Variants in NAV2 observed in about 807,000 individuals in gnomAD.
The protein encoded by NAV2 is helicase, APC down-regulated 1.
NAV2 carries 54 observed loss-of-function variants against 223.2 expected under a neutral mutation model. That is an observed-to-expected ratio of 0.24 (90% CI 0.19 to 0.30). The LOEUF is 0.30. NAV2 is among the 10% of genes least tolerant of loss of function. NAV2 has a pLI of 1.00. For missense variants in NAV2, 2,806 were observed against 3,147.5 expected (o/e 0.89, Z 2.60); for synonymous variants, 1,279 against 1,239.3 (o/e 1.03, Z -0.67).
Position 19,939,670 on chromosome 11 carries a change from G to A in NAV2, c.2043G>A (p.Thr681=), listed in dbSNP as rs61732468. Residue 681 remains threonine (T), a synonymous_variant, in exon 8 of 38, where the codon ACG becomes ACA. Transcript: ENST00000349880. Reference sequence around the variant, plus strand: ...CGGTTTGTGTGTGAAGGTCTCAGACGGACACTGAAGGGAATGTTACTGCCG... The same window carrying A: ...CGGTTTGTGTGTGAAGGTCTCAGACAGACACTGAAGGGAATGTTACTGCCG... ...TVAPFLYRSQ[T]DTEGNVTAES... is the part of the protein sequence containing the mutation. 12 of 1,613,826 alleles carry A rather than the reference G, an allele frequency of 7.4e-6. No individual in the cohort carries two copies. Among genetic ancestry groups the A allele is most frequent in the South Asian group, 1.1e-5 (1 of 91,056 alleles).
intron 1 of NAV2, among the ~76,000 whole-genome samples, chr11:19,804,443 C>T (rs1260231707): frequency 2.0e-5 from 3 of 152,112 alleles, no homozygotes; most frequent in African/African-American, 7.2e-5. Flanking sequence ...CAGGGTGGAT[C>T]TTATTTTAAT....
At chr11:19,672,476 T>C (rs2048598622) in intron 1 of NAV2, among the ~76,000 whole-genome samples, 1 of 152,162 alleles carries the variant, frequency 6.6e-6, no homozygotes, top group Non-Finnish European at 1.5e-5. Flanking sequence ...TTATTCTATT[T>C]CTCCAAGTGT....
chr11:19,808,662 A>T lies in NAV2; in HGVS notation c.268-23822A>T, dbSNP rs989819440. 3.9e-5 allele frequency among the ~76,000 whole-genome samples: 6 copies of T among 152,348 alleles called. No individual in the cohort carries two copies. The East Asian group carries it at 9.6e-4, about 24-fold the overall frequency. On this transcript the variant is annotated intron_variant, in intron 1 of 37. Coordinates refer to ENST00000349880, the MANE Select transcript of NAV2 (RefSeq NM_145117.5). The stretch of plus-strand genomic sequence containing the variant: ...AAAAACAATTGTCTTTTTATTGTCT[A>T]TTAATAGTTGGTACAATTATGTAGA...
At chr11:20,003,881 G>C (rs1448760953) in intron 11 of NAV2, among the ~76,000 whole-genome samples, 1 of 152,174 alleles carries the variant, frequency 6.6e-6, no homozygotes, top group African/African-American at 2.4e-5. Context: ...CAGCCATTCT[G>C]TTCATTGGAT....
intron 1 of NAV2, among the ~76,000 whole-genome samples, chr11:19,453,362 G>A (rs993502121): frequency 6.6e-6 from 1 of 152,206 alleles, no homozygotes; most frequent in African/African-American, 2.4e-5. Context: ...GAGGCACCAA[G>A]AAAGGATGCG....
chr11:19,791,341 C>G (rs2057503238), intron 1 of NAV2, among the ~76,000 whole-genome samples: 1 of 152,212 alleles, frequency 6.6e-6, no homozygotes, highest in Non-Finnish European at 1.5e-5. Context: ...CCTTCCCTAT[C>G]CAGCCCGCCC....
chr11:19,777,070 G>A (rs890753850), intron 1 of NAV2, among the ~76,000 whole-genome samples: 1 of 150,884 alleles, frequency 6.6e-6, no homozygotes, highest in Non-Finnish European at 1.5e-5. Context: ...CCAGCTAGGG[G>A]GCGGGGAACT....
intron 1 of NAV2, among the ~76,000 whole-genome samples, chr11:19,555,474 G>A (rs572830792): frequency 1.3e-5 from 2 of 152,184 alleles, no homozygotes; most frequent in Non-Finnish European, 2.9e-5. Context: ...GCTCACCACA[G>A]CATCCACTCC....
At chr11:19,526,485 A>G (rs2043846835) in intron 1 of NAV2, among the ~76,000 whole-genome samples, 1 of 152,030 alleles carries the variant, frequency 6.6e-6, no homozygotes, top group Non-Finnish European at 1.5e-5. Context: ...GGGAATGAAT[A>G]TGATTGGCCT....
intron 1 of NAV2, among the ~76,000 whole-genome samples, chr11:19,536,355 A>G (rs1487385516): frequency 6.6e-6 from 1 of 152,122 alleles, no homozygotes; most frequent in Non-Finnish European, 1.5e-5. Context: ...AAGTGTCCCC[A>G]CTTGAACACC....
chr11:19,587,072 C>T (rs912440948), intron 1 of NAV2, among the ~76,000 whole-genome samples: 2 of 152,214 alleles, frequency 1.3e-5, no homozygotes, highest in Admixed American at 1.3e-4. Context: ...CAAGCCTCAG[C>T]AATGGTGGAC....
chr11:19,624,280 A>G (rs2047097657), intron 1 of NAV2, among the ~76,000 whole-genome samples: 1 of 151,674 alleles, frequency 6.6e-6, no homozygotes, highest in African/African-American at 2.4e-5. Context: ...GAGTACCACT[A>G]CTCTCTTCAA....
chr11:20,056,766 A>G (rs1221780040), intron 19 of NAV2: 6 of 646,052 alleles, frequency 9.3e-6, no homozygotes, highest in Non-Finnish European at 1.7e-5. Flanking sequence ...TTCCAGCTCC[A>G]CTGCTTTTTA....
At chr11:20,082,540 A>G in intron 25 of NAV2, 12 of 1,606,728 alleles carry the variant, frequency 7.5e-6, no homozygotes, top group Non-Finnish European at 1.0e-5. Flanking sequence ...CTGTTAAAAA[A>G]TTGTCTTTTT....
chr11:19,376,283 AC>A (rs1475806654), intron 1 of NAV2, among the ~76,000 whole-genome samples: 2 of 152,210 alleles, frequency 1.3e-5, no homozygotes, highest in Non-Finnish European at 2.9e-5. Context: ...AAACAAACAA[AC>A]AAAAAAACAA....
intron 1 of NAV2, among the ~76,000 whole-genome samples, chr11:19,721,616 G>A (rs2050756356): frequency 6.6e-6 from 1 of 152,214 alleles, no homozygotes; most frequent in Admixed American, 6.5e-5. Flanking sequence ...CTAGAAAAGA[G>A]TACCAAAGCT....
At chr11:19,383,823 A>G (rs2729852) in intron 1 of NAV2, among the ~76,000 whole-genome samples, 147,872 of 152,344 alleles carry the variant, frequency 0.97, 71,904 homozygotes, top group East Asian at 1. Context: ...GAGAGTAGTT[A>G]GACAATATGC....
chr11:19,377,390 A>G (rs890896605), intron 1 of NAV2, among the ~76,000 whole-genome samples: 1 of 151,584 alleles, frequency 6.6e-6, no homozygotes, highest in African/African-American at 2.4e-5. Context: ...CTAGCCTCTA[A>G]CTCCTACCCT....
chr11:19,983,289 A>G (rs1191412041), intron 10 of NAV2, among the ~76,000 whole-genome samples: 1 of 152,192 alleles, frequency 6.6e-6, no homozygotes, highest in Non-Finnish European at 1.5e-5. Flanking sequence ...ACAATCAGCC[A>G]TCTGTACAGA....
Sources: gnomAD v4.1 joint callset for allele counts (sites outside exome capture counted in the v4.1 genomes callset) on GRCh38, gnomAD v4.1.1 for gene constraint, MANE v1.5 for transcripts, NCBI Gene and HGNC (gene_info 2026-07-23, HGNC 2026-07-21) for gene names.